KHDC1: variants seen among roughly 807,000 people sequenced by gnomAD.
KHDC1 encodes the protein KH homology domain-containing protein 1.
Under a neutral mutation model 24.7 loss-of-function variants are expected in KHDC1, and 21 were observed. The observed-to-expected ratio is 0.85, with a 90% confidence interval of 0.60 to 1.23. KHDC1 has a LOEUF of 1.23. Among genes scored for constraint, KHDC1 ranks in the 50% most tolerant of loss-of-function variants. The pLI is 0.00. For synonymous variants in KHDC1, 98 were observed against 111.7 expected, an observed-to-expected ratio of 0.88 and a Z score of 0.77; for missense variants, 274 against 298.5, an observed-to-expected ratio of 0.92 and a Z score of 0.61.
intron 2 of KHDC1, among the ~76,000 whole-genome samples, chr6:73,283,306 G>C (rs1004906816): frequency 1.3e-5 from 2 of 151,756 alleles, no homozygotes; most frequent in African/African-American, 4.9e-5. Context: ...ATTTTTAACT[G>C]TGTGGACTCA....
At chr6:73,268,565 G>C (rs571828741) in intron 2 of KHDC1, 4 of 152,286 alleles carry the variant, frequency 2.6e-5, no homozygotes, top group African/African-American at 9.6e-5. Flanking sequence ...GGCGCTGAAT[G>C]GTGCGTTTAC....
At chr6:73,248,095 G>A (rs1766702616) in intron 2 of KHDC1, among the ~76,000 whole-genome samples, 1 of 152,108 alleles carries the variant, frequency 6.6e-6, no homozygotes, top group Non-Finnish European at 1.5e-5. Flanking sequence ...GGACAGCAGT[G>A]GAGTCCCAGA....
intron 1 of KHDC1, among the ~76,000 whole-genome samples, chr6:73,298,141 A>T (rs1767793078): frequency 6.6e-6 from 1 of 152,012 alleles, no homozygotes; most frequent in Non-Finnish European, 1.5e-5. Context: ...AGTGAAGGTG[A>T]CAAAACGAGA....
intron 2 of KHDC1, among the ~76,000 whole-genome samples, chr6:73,272,258 G>C (rs1767192844): frequency 1.3e-5 from 2 of 151,554 alleles, no homozygotes; most frequent in Non-Finnish European, 2.9e-5. Flanking sequence ...CTGCCTCCCA[G>C]GTTCAAGCTA....
chr6:73,305,058 T>C (rs1462697765), intron 1 of KHDC1, among the ~76,000 whole-genome samples: 3 of 151,840 alleles, frequency 2.0e-5, no homozygotes, highest in Admixed American at 6.6e-5. Context: ...GCCAATATGG[T>C]GAAACTTCAT....
intron 2 of KHDC1, among the ~76,000 whole-genome samples, chr6:73,251,799 C>CTT (rs754294241): frequency 2.4e-5 from 3 of 124,102 alleles, no homozygotes; most frequent in African/African-American, 5.8e-5. Context: ...CTTTTCTTTT[C>CTT]TTTTTTTTTT....
intron 2 of KHDC1, chr6:73,270,566 G>A (rs1767160136): frequency 6.6e-6 from 1 of 152,058 alleles, no homozygotes; most frequent in African/African-American, 2.4e-5. Flanking sequence ...TTAGAACTTG[G>A]ACATATCTTT....
At chr6:73,241,803 G>T in intron 4 of KHDC1, 75 bp from the exon 4 acceptor site, 1 of 1,515,470 alleles carries the variant, frequency 6.6e-7, no homozygotes, top group South Asian at 1.2e-5. Flanking sequence ...GACTCCATCA[G>T]GGAGGCTGCA....
chr6:73,304,488 G>C (rs887153224), intron 1 of KHDC1, among the ~76,000 whole-genome samples: 6 of 152,072 alleles, frequency 3.9e-5, no homozygotes, highest in African/African-American at 1.4e-4. Context: ...TGTAATAGAG[G>C]CGGGGTCTCA....
At chr6:73,249,210 C>T (rs1441022418) in intron 2 of KHDC1, among the ~76,000 whole-genome samples, 4 of 151,922 alleles carry the variant, frequency 2.6e-5, no homozygotes, top group Non-Finnish European at 5.9e-5. Flanking sequence ...TTGCTTGAAC[C>T]CAGGAGTTCA....
rs1026803130 is a variant in KHDC1 at position 73,291,845 on chromosome 6, T to G, written c.206+153A>C. 3.9e-6 allele frequency: 3 copies of G among 768,056 alleles called. No individual in the cohort carries two copies. In the East Asian group the frequency reaches 8.0e-5, roughly 21 times the overall value. 47.6% of individuals were successfully genotyped at this position (768,056 alleles called of 1,614,324 possible). On this transcript the variant is annotated intron_variant, in intron 2 of 4. Transcript: ENST00000370384. ...TTTAATATTTGTGTGATGGGCACAC[T>G]GGAAGCCCAAACCTCACTATTACAC...
chr6:73,266,497 A>G (rs547937389), intron 2 of KHDC1, among the ~76,000 whole-genome samples: 1 of 152,350 alleles, frequency 6.6e-6, no homozygotes, highest in African/African-American at 2.4e-5. Context: ...CCTGTGTTTC[A>G]ACAAGGGTGC....
chr6:73,290,590 G>A (rs753830395), intron 2 of KHDC1: 11 of 513,254 alleles, frequency 2.1e-5, no homozygotes, highest in African/African-American at 3.9e-5. Context: ...AGCTTCTGCT[G>A]GCAGCTCATG....
intron 2 of KHDC1, among the ~76,000 whole-genome samples, chr6:73,280,860 C>T (rs1314494432): frequency 6.6e-6 from 1 of 151,718 alleles, no homozygotes; most frequent in African/African-American, 2.4e-5. Context: ...TGTCAGTTTG[C>T]ATTTTCCCCA....
chr6:73,288,594 C>T (rs6915288), intron 2 of KHDC1, among the ~76,000 whole-genome samples: 12,055 of 151,894 alleles, frequency 0.079, 518 homozygotes, highest in East Asian at 0.13. Context: ...GCACTCCAGC[C>T]TGGGTGACAG....
At chr6:73,295,568 G>A (rs1767742861) in intron 1 of KHDC1, among the ~76,000 whole-genome samples, 1 of 152,060 alleles carries the variant, frequency 6.6e-6, no homozygotes, top group Admixed American at 6.6e-5. Context: ...ACACACAGCT[G>A]GGCGCGGTGG....
At chr6:73,289,680 G>A (rs1031597269) in intron 2 of KHDC1, among the ~76,000 whole-genome samples, 2 of 151,764 alleles carry the variant, frequency 1.3e-5, no homozygotes, top group Non-Finnish European at 2.9e-5. Flanking sequence ...GAAAAAAAAC[G>A]GCCAGGCACT....
chr6:73,247,901 A>T (rs1582551409), intron 2 of KHDC1, among the ~76,000 whole-genome samples: 2 of 150,322 alleles, frequency 1.3e-5, no homozygotes, highest in South Asian at 4.2e-4. Context: ...TGGAAGTGGT[A>T]GCCCCTTGCA....
intron 2 of KHDC1, among the ~76,000 whole-genome samples, chr6:73,280,026 T>C (rs1455522885): frequency 6.6e-6 from 1 of 152,246 alleles, no homozygotes; most frequent in African/African-American, 2.4e-5. Context: ...ATTCACAGTT[T>C]ACTACATCCA....
Sources: allele counts gnomAD v4.1 joint callset (sites outside exome capture counted in the v4.1 genomes callset), GRCh38; gene constraint gnomAD v4.1.1; transcripts MANE v1.5; gene names NCBI Gene and HGNC (gene_info 2026-07-23, HGNC 2026-07-21).